The following ATAD5 variants were observed in gnomAD, a reference collection of about 807,000 sequenced individuals.
The protein encoded by ATAD5 is ATPase family AAA domain-containing protein 5.
Under a neutral mutation model 176.9 loss-of-function variants are expected in ATAD5, and 58 were observed. The observed-to-expected ratio is 0.33, with a 90% CI of 0.27 to 0.41. ATAD5 has a LOEUF of 0.41. ATAD5 is among the 10% of genes least tolerant of loss of function. ATAD5 has a pLI of 1.00. For synonymous variants in ATAD5, 640 were observed against 712.6 expected, an observed-to-expected ratio of 0.90 and a Z score of 1.62; for missense variants, 1,789 against 2,094.1, an observed-to-expected ratio of 0.85 and a Z score of 2.84.
intron 6 of ATAD5, 85 bp from the exon 7 acceptor site, chr17:30,855,058 C>T: frequency 7.8e-7 from 1 of 1,287,328 alleles, no homozygotes; most frequent in Admixed American, 2.8e-5. Flanking sequence ...CATGCCCAGC[C>T]CTAAAAATGT....
intron 8 of ATAD5, among the ~76,000 whole-genome samples, chr17:30,857,404 C>T (rs1297300490): frequency 1.3e-5 from 2 of 151,858 alleles, no homozygotes; most frequent in African/African-American, 4.8e-5. Flanking sequence ...TTAGTAGAGA[C>T]GGAATTTCTC....
intron 18 of ATAD5, among the ~76,000 whole-genome samples, chr17:30,882,950 G>C (rs1044149973): frequency 6.6e-6 from 1 of 152,142 alleles, no homozygotes; most frequent in Admixed American, 6.6e-5. Flanking sequence ...TCTGTAATTA[G>C]ATAGTGGTAA....
intron 18 of ATAD5, among the ~76,000 whole-genome samples, chr17:30,879,867 C>T (rs922970705): frequency 6.6e-6 from 1 of 151,720 alleles, no homozygotes; most frequent in Admixed American, 6.6e-5. Flanking sequence ...CGGTCCAATA[C>T]AGCTATAATT....
chr17:30,857,202 G>A (rs1416885975), intron 8 of ATAD5, 90 bp downstream of exon 8: 5 of 1,403,078 alleles, frequency 3.6e-6, no homozygotes, highest in East Asian at 2.6e-5. Context: ...TTATAGCCTC[G>A]AGTGTTGTCC....
intron 14 of ATAD5, among the ~76,000 whole-genome samples, chr17:30,871,232 A>G (rs949886194): frequency 2.7e-5 from 4 of 147,398 alleles, no homozygotes; most frequent in African/African-American, 7.6e-5. Flanking sequence ...GGTCCTTTTT[A>G]TATCTTCTGT....
At position 30,894,623 on chromosome 17, in the gene ATAD5, A is replaced by G. The variant is rs1283134626; in HGVS notation, c.5357A>G (p.Tyr1786Cys). Residue 1786 changes from tyrosine (Y) to cysteine (C), a missense_variant, in exon 22 of 23, where the codon TAT becomes TGT. By Grantham distance (194) the Tyr-to-Cys change is radical. Coordinates refer to ENST00000321990, the MANE Select transcript of ATAD5 (RefSeq NM_024857.5). ...GTATTTTCGAGTCGATCTCTTCTCT[A>G]TGTGGGTAATAGACAAGCTAGTATA... Reference protein sequence around the residue: ...KSVFSSRSLLYVGNRQASIIE... With the variant: ...KSVFSSRSLLCVGNRQASIIE... 6.2e-7 allele frequency: 1 copy of G among 1,613,512 alleles called. No individual in the cohort carries two copies. The highest frequency in any genetic ancestry group is 1.7e-5 in the Admixed American group (1 of 59,988).
chr17:30,885,160 G>A (rs181818474), intron 18 of ATAD5, among the ~76,000 whole-genome samples: 1 of 152,142 alleles, frequency 6.6e-6, no homozygotes, highest in Admixed American at 6.6e-5. Context: ...TGGTTTCTTA[G>A]GTTTTTCTTT....
chr17:30,862,242 G>A (rs1380247132), intron 10 of ATAD5, among the ~76,000 whole-genome samples: 1 of 151,186 alleles, frequency 6.6e-6, no homozygotes, highest in Non-Finnish European at 1.5e-5. Context: ...GCCGAGGCAG[G>A]AGAATCGCTT....
chr17:30,859,670 A>AT (rs1210890652), intron 9 of ATAD5, among the ~76,000 whole-genome samples: 1 of 151,584 alleles, frequency 6.6e-6, no homozygotes, highest in African/African-American at 2.4e-5. Flanking sequence ...CTATTTATTT[A>AT]TTTTTTAAGA....
In ATAD5 at chr17:30,887,780, C is replaced by T. The variant is rs183066223; in HGVS notation, c.4258+408C>T. ...GCAGTGAGCTATGATTATGCCACTG[C>T]ACTCCGGCCCAGACAATAGAGCAAT... On this transcript the variant is annotated intron_variant, in intron 19 of 22. Coordinates refer to ENST00000321990, the MANE Select transcript of ATAD5 (RefSeq NM_024857.5). Among the ~76,000 whole-genome samples, 82 of 152,226 alleles carry T rather than the reference C, an allele frequency of 5.4e-4. No individual in the cohort carries two copies. The Middle Eastern group carries it at 0.01, about 19-fold the overall frequency.
rs145376542 is a variant in ATAD5 at position 30,834,478 on chromosome 17, C to T, written c.397C>T (p.Pro133Ser). The T allele has an allele frequency of 1.2e-5, 19 of 1,586,330 alleles. No individual in the cohort carries two copies. In the African/African-American group the frequency reaches 2.3e-4, roughly 19 times the overall value. ...TAATATTAAAACTGAAAATGAAGCT[C>T]CAATTGAAATTAGTAGCGACGATAG... is the stretch of plus-strand genomic sequence containing the variant. ...LNNIKTENEA[P>S]IEISSDDSKE... The change falls in exon 2 of 23, where the codon CCA (proline) becomes TCA (serine). Residue 133 changes from proline to serine, a missense_variant. By Grantham distance (74) the Pro-to-Ser change is moderately conservative. Coordinates refer to ENST00000321990, the MANE Select transcript of ATAD5 (RefSeq NM_024857.5).
rs1259564361 is a variant in ATAD5, at chr17:30,857,131, A to T, written c.2793+19A>T. On this transcript the variant is annotated intron_variant, in intron 8 of 22. Transcript: ENST00000321990. The stretch of plus-strand genomic sequence containing the variant: ...TGCTGTGGTAAGTATTAAATAGTTC[A>T]TCCATTGTAGAGTGTTTCCCTTACA... The T allele has an allele frequency of 2.5e-6, 4 of 1,599,976 alleles. No individual in the cohort carries two copies. Among genetic ancestry groups the T allele is most frequent in the Admixed American group, 1.8e-5 (1 of 55,428 alleles).
chr17:30,870,703 A>C (rs934561591), intron 14 of ATAD5, among the ~76,000 whole-genome samples: 2 of 152,138 alleles, frequency 1.3e-5, no homozygotes, highest in Admixed American at 6.6e-5. Context: ...TGTCCTAGCA[A>C]CCTTGACAGT....
At chr17:30,872,808 G>A (rs1293974588) in intron 14 of ATAD5, among the ~76,000 whole-genome samples, 7 of 151,824 alleles carry the variant, frequency 4.6e-5, no homozygotes, top group South Asian at 2.1e-4. Context: ...TGCCCGCCTC[G>A]GTCTCCCAGA....
chr17:30,832,238 A>G lies in ATAD5; in HGVS notation c.-110A>G. Reference sequence around the variant, plus strand: ...GCGGGGGAATCCGAAACGGCTCAGCAGAATCCCAGCAGCTTGCTGCTACTG... The same window carrying G: ...GCGGGGGAATCCGAAACGGCTCAGCGGAATCCCAGCAGCTTGCTGCTACTG... On this transcript the variant is annotated 5_prime_UTR_variant, in exon 1 of 23. Transcript: ENST00000321990. 2.0e-6 allele frequency: 2 copies of G among 1,002,990 alleles called. No homozygotes were observed. Among genetic ancestry groups the G allele is most frequent in the South Asian group, 2.7e-5 (1 of 36,416 alleles). 62.1% of individuals were successfully genotyped at this position (1,002,990 alleles called of 1,614,324 possible). A position where few individuals can be genotyped will look rare whatever the true frequency, so the allele number is the denominator to read the frequency against.
chr17:30,847,327 T>TATAGAG (rs918823567), intron 6 of ATAD5, among the ~76,000 whole-genome samples: 25 of 150,464 alleles, frequency 1.7e-4, no homozygotes, highest in African/African-American at 3.9e-4. Flanking sequence ...TATATATATA[T>TATAGAG]AGAGAGAGAG....
At position 30,877,444 on chromosome 17, in the gene ATAD5, A is replaced by G. The variant is rs148011896; in HGVS notation, c.3813A>G (p.Gln1271=). The G allele has an allele frequency of 1.7e-5, 27 of 1,550,842 alleles. No homozygotes were observed. In the African/African-American group the frequency reaches 2.9e-4, roughly 17 times the overall value. The change falls in exon 16 of 23, where the codon CAA becomes CAG. Residue 1271 remains glutamine (Q), a synonymous_variant. Coordinates refer to ENST00000321990, the MANE Select transcript of ATAD5 (RefSeq NM_024857.5). ...KGIKNSFEQK[Q]ITQTKSTNAT... is the part of the protein sequence containing the mutation. ...TAAAAAATTCTTTTGAACAGAAACA[A>G]ATTACTCAGACTAAATCTACAAATG...
chr17:30,871,822 T>C (rs1908353442), intron 14 of ATAD5, among the ~76,000 whole-genome samples: 1 of 152,202 alleles, frequency 6.6e-6, no homozygotes. Flanking sequence ...GTTCTTTTTT[T>C]TCTAAATTTA....
intron 11 of ATAD5, among the ~76,000 whole-genome samples, chr17:30,867,037 C>G (rs1206214035): frequency 6.6e-6 from 1 of 151,216 alleles, no homozygotes; most frequent in Non-Finnish European, 1.5e-5. Flanking sequence ...GTTCTAAGTA[C>G]TTGTATTGTT....
Sources: gnomAD v4.1 joint callset for allele counts (sites outside exome capture counted in the v4.1 genomes callset) on GRCh38, gnomAD v4.1.1 for gene constraint, MANE v1.5 for transcripts, NCBI Gene and HGNC (gene_info 2026-07-23, HGNC 2026-07-21) for gene names.